Variants in ATOH8 observed in about 807,000 individuals in gnomAD.
ATOH8 encodes the protein transcription factor ATOH8.
ATOH8 carries 9 observed loss-of-function variants against 21.2 expected under a neutral mutation model. The observed-to-expected ratio is 0.42, with a 90% confidence interval of 0.26 to 0.74. ATOH8 has a LOEUF of 0.74. Among genes scored for constraint, ATOH8 ranks in the 30% least tolerant of loss-of-function variants. ATOH8 has a pLI of 0.24. For missense variants in ATOH8, 524 were observed against 470.9 expected, an observed-to-expected ratio of 1.11 and a Z score of -1.04; for synonymous variants, 253 against 224.0, an observed-to-expected ratio of 1.13 and a Z score of -1.16.
In ATOH8 at chr2:85,789,847, T is replaced by C. The variant is rs1373358276; in HGVS notation, c.*2957T>C. On this transcript the variant is annotated 3_prime_UTR_variant, in exon 3 of 3. Transcript: ENST00000306279. ...GTGGATGTGTGTGTGTGCACACATATGTATGTATGTGGATGACTAAAAGTG... is the reference window on the plus strand; with the variant it reads ...GTGGATGTGTGTGTGTGCACACATACGTATGTATGTGGATGACTAAAAGTG... Among the ~76,000 whole-genome samples the C allele has an allele frequency of 2.0e-5, 3 of 152,218 alleles. No homozygotes were observed. The East Asian group carries it at 5.8e-4, about 29-fold the overall frequency.
intron 1 of ATOH8, 149 bp downstream of exon 1, chr2:85,755,106 CT>C: frequency 8.9e-7 from 1 of 1,119,748 alleles, no homozygotes; most frequent in Non-Finnish European, 1.2e-6. Context: ...GTGGGCAGTC[CT>C]AGGGTATGGA....
At chr2:85,782,984 T>G (rs903347979) in intron 2 of ATOH8, among the ~76,000 whole-genome samples, 2 of 152,210 alleles carry the variant, frequency 1.3e-5, no homozygotes, top group Non-Finnish European at 2.9e-5. Flanking sequence ...GCGTGACGCC[T>G]GGCCCAGCAT....
intron 2 of ATOH8, among the ~76,000 whole-genome samples, chr2:85,767,580 T>TCCCCTTCCCTCCCCTCC (rs1680052547): frequency 1.3e-5 from 1 of 79,232 alleles, no homozygotes; most frequent in African/African-American, 5.3e-5. Context: ...CCCTCCCCTC[T>TCCCCTTCCCTCCCCTCC]CCTTCCCTTC....
At chr2:85,781,254 T>C (rs1418224392) in intron 2 of ATOH8, 6 of 217,890 alleles carry the variant, frequency 2.8e-5, no homozygotes, top group African/African-American at 4.7e-5. Context: ...GAGATTAAGG[T>C]GATTGAAACA....
In ATOH8 at chr2:85,764,163, G is replaced by A; in HGVS notation, c.941G>A (p.Gly314Glu). The A allele has an allele frequency of 6.2e-7, 1 of 1,614,158 alleles. No individual in the cohort carries two copies. The highest frequency in any genetic ancestry group is 8.5e-7 in the Non-Finnish European group (1 of 1,180,030). Residue 314 changes from glycine to glutamate, a missense_variant, in exon 2 of 3, where the codon GGA (glycine) becomes GAA (glutamate). Gly to Glu is a moderately conservative substitution (Grantham distance 98, BLOSUM62 -2). Coordinates refer to ENST00000306279, the MANE Select transcript of ATOH8 (RefSeq NM_032827.7). The part of the protein sequence containing the change: ...QRCTRTLQAE[G>E]RAKKRKE ...TGCACCCGCACCCTGCAGGCCGAGGGACGTGCCAAGAAGCGCAAGGTATGC... is the reference window on the plus strand; with the variant it reads ...TGCACCCGCACCCTGCAGGCCGAGGAACGTGCCAAGAAGCGCAAGGTATGC...
intron 2 of ATOH8, chr2:85,783,825 T>G (rs1680558686): frequency 1.3e-5 from 2 of 151,532 alleles, no homozygotes; most frequent in South Asian, 4.1e-4. Context: ...ATTCTCCATA[T>G]TTGCAATTAT....
chr2:85,784,678 A>T (rs373891462), intron 2 of ATOH8, among the ~76,000 whole-genome samples: 3 of 152,214 alleles, frequency 2.0e-5, no homozygotes, highest in African/African-American at 7.2e-5. Context: ...GTATTTCCCA[A>T]ACTCATGGAA....
chr2:85,754,694 C>T lies in ATOH8; in HGVS notation c.505C>T (p.Pro169Ser), dbSNP rs778283529. 2 of 1,605,152 alleles carry T rather than the reference C, an allele frequency of 1.2e-6. No individual in the cohort carries two copies. Among genetic ancestry groups the T allele is most frequent in the South Asian group, 1.1e-5 (1 of 90,612 alleles). The change falls in exon 1 of 3, where the codon CCA becomes TCA. Residue 169 changes from proline (P) to serine (S), a missense_variant. Transcript: ENST00000306279. ...CGCGCGCCCCGCGCCGTCAGCACCC[C>T]CAGCACCGCCAGCGCCCCCGGAGTC... ...PPARPAPSAP[P>S]APPAPPESTV... is the part of the protein sequence containing the mutation.
At chr2:85,772,703 G>A (rs866701203) in intron 2 of ATOH8, 2 of 456,688 alleles carry the variant, frequency 4.4e-6, no homozygotes, top group African/African-American at 4.0e-5. Flanking sequence ...CTTTGTGAGA[G>A]AGGAAACTCG....
At chr2:85,774,125 C>T in intron 2 of ATOH8, 2 of 985,490 alleles carry the variant, frequency 2.0e-6, no homozygotes, top group Non-Finnish European at 2.4e-6. Flanking sequence ...AATCTGCTCT[C>T]CCTCCCATGT....
chr2:85,770,181 C>G (rs1680142298), intron 2 of ATOH8, among the ~76,000 whole-genome samples: 2 of 151,526 alleles, frequency 1.3e-5, no homozygotes, highest in South Asian at 2.1e-4. Context: ...TCTCACCAAC[C>G]CTTGAGGTGG....
chr2:85,765,445 G>A (rs1679988188), intron 2 of ATOH8, among the ~76,000 whole-genome samples: 1 of 152,244 alleles, frequency 6.6e-6, no homozygotes, highest in Admixed American at 6.5e-5. Context: ...TCCTGGGAGT[G>A]CTTTAACGTG....
rs1323312686 is a variant in ATOH8 at position 85,776,857 on chromosome 2, C to T, written c.961-10028C>T. On this transcript the variant is annotated intron_variant, in intron 2 of 2. Transcript: ENST00000306279. ...TGGAATCTGGAGAGCCGTGACCGGG[C>T]ATTGCTGAGAGCTGTCCATCCCCCT... Among the ~76,000 whole-genome samples, 3 of 152,094 alleles carry T rather than the reference C, an allele frequency of 2.0e-5. No homozygotes were observed. The East Asian group carries it at 5.8e-4, about 29-fold the overall frequency.
Position 85,754,373 on chromosome 2 carries a change from G to A in ATOH8, c.184G>A (p.Asp62Asn), listed in dbSNP as rs1166454028. 6.3e-7 allele frequency: 1 copy of A among 1,594,538 alleles called. No individual in the cohort carries two copies. The highest frequency in any genetic ancestry group is 8.5e-7 in the Non-Finnish European group (1 of 1,172,660). Reference sequence around the variant, plus strand: ...CGCCGTAGCCACCAACGGGCTGCGGGACAGGACCCATCGGCTGCAGCCGGT... The same window carrying A: ...CGCCGTAGCCACCAACGGGCTGCGGAACAGGACCCATCGGCTGCAGCCGGT... ...PRAVATNGLR[D>N]RTHRLQPVPV... The change falls in exon 1 of 3, where the codon GAC becomes AAC. Residue 62 changes from aspartate to asparagine, a missense_variant. Coordinates refer to ENST00000306279, the MANE Select transcript of ATOH8 (RefSeq NM_032827.7).
rs1043799457 is a variant in ATOH8, at chr2:85,788,362, C to T, written c.*1472C>T. 6.6e-6 allele frequency among the ~76,000 whole-genome samples: 1 copy of T among 152,090 alleles called. No individual in the cohort carries two copies. Among genetic ancestry groups the T allele is most frequent in the Non-Finnish European group, 1.5e-5 (1 of 68,010 alleles). The stretch of plus-strand genomic sequence containing the variant: ...ATGAGATAGGGGCCCCTATTATTAA[C>T]CCCGTTTCACAGATGGGGTAACTGA... On this transcript the variant is annotated 3_prime_UTR_variant, in exon 3 of 3. Coordinates refer to ENST00000306279, the MANE Select transcript of ATOH8 (RefSeq NM_032827.7).
rs145010807 is a variant in ATOH8 at position 85,767,171 on chromosome 2, C to T, written c.960+2989C>T. 4.5e-3 allele frequency among the ~76,000 whole-genome samples: 678 copies of T among 152,268 alleles called. 5 individuals are homozygous for T. The highest frequency in any genetic ancestry group is 0.016 in the African/African-American group (652 of 41,550). On this transcript the variant is annotated intron_variant, in intron 2 of 2. Coordinates refer to ENST00000306279, the MANE Select transcript of ATOH8 (RefSeq NM_032827.7). ...GCCTCCCAGCCTGGGACTCCTGAGGCCCCACCTCCATTTACAGAGATTCTG... is the reference window on the plus strand; with the variant it reads ...GCCTCCCAGCCTGGGACTCCTGAGGTCCCACCTCCATTTACAGAGATTCTG...
chr2:85,786,254 C>T (rs1680618387), intron 2 of ATOH8, among the ~76,000 whole-genome samples: 1 of 152,206 alleles, frequency 6.6e-6, no homozygotes, highest in African/African-American at 2.4e-5. Context: ...GACTCCACTG[C>T]AATCAAATAG....
At chr2:85,760,022 C>T (rs1679818728) in intron 1 of ATOH8, among the ~76,000 whole-genome samples, 2 of 152,256 alleles carry the variant, frequency 1.3e-5, no homozygotes, top group African/African-American at 2.4e-5. Flanking sequence ...AGCTTGTGGA[C>T]CTGCCTAAGG....
chr2:85,780,350 C>A (rs1680450260), intron 2 of ATOH8: 1 of 152,292 alleles, frequency 6.6e-6, no homozygotes, highest in Non-Finnish European at 1.5e-5. Flanking sequence ...TTGCCTGATG[C>A]AACGATTGTT....
Sources: gnomAD v4.1 joint callset for allele counts (sites outside exome capture counted in the v4.1 genomes callset) on GRCh38, gnomAD v4.1.1 for gene constraint, MANE v1.5 for transcripts, NCBI Gene and HGNC (gene_info 2026-07-23, HGNC 2026-07-21) for gene names.